PLCB4: variants seen among roughly 807,000 people sequenced by gnomAD.
The protein encoded by PLCB4 is phospholipase C beta 4.
In PLCB4, 77 loss-of-function variants were observed where a neutral mutation model predicts 178.8. The ratio of observed to expected loss-of-function variants is 0.43; its 90% CI spans 0.36 to 0.52. The LOEUF (loss-of-function observed/expected upper bound fraction) is 0.52, where lower values mean the gene tolerates loss of function less well. PLCB4 is among the 20% of genes least tolerant of loss of function. The pLI is 0.00. For synonymous variants in PLCB4, 496 were observed against 490.8 expected (o/e 1.01, Z -0.14); for missense variants, 1,024 against 1,453.4 (o/e 0.70, Z 4.80).
chr20:9,262,105 C>T (rs2094303339), intron 3 of PLCB4, among the ~76,000 whole-genome samples: 1 of 152,272 alleles, frequency 6.6e-6, no homozygotes, highest in Middle Eastern at 3.4e-3. Context: ...ATTGTGTCTT[C>T]TATCGTCAGT....
intron 25 of PLCB4, among the ~76,000 whole-genome samples, chr20:9,411,734 A>T (rs1034385948): frequency 6.7e-6 from 1 of 149,852 alleles, no homozygotes. Context: ...AAAAAAAAAA[A>T]CACAACTATG....
intron 2 of PLCB4, among the ~76,000 whole-genome samples, chr20:9,182,735 T>C (rs771262985): frequency 7.9e-5 from 12 of 152,204 alleles, no homozygotes; most frequent in Non-Finnish European, 1.6e-4. Flanking sequence ...CACCCAGTGC[T>C]GAAACCTTGG....
rs73248729 is a variant in PLCB4 at position 9,409,036 on chromosome 20, G to A, written c.1875-21G>A. The A allele has an allele frequency of 4.4e-6, 7 of 1,600,920 alleles. No homozygotes were observed. The African/African-American group carries it at 8.1e-5, about 19-fold the overall frequency. ...CTCTGCTGTAGGACTCTTTTTTTCT[G>A]TTTTCCTTAATAAGTTACAGTTATA... On this transcript the variant is annotated intron_variant, in intron 23 of 39. Coordinates refer to ENST00000378473, the MANE Select transcript of PLCB4 (RefSeq NM_001377142.1).
chr20:9,441,491 G>A (rs1311236878), intron 30 of PLCB4, among the ~76,000 whole-genome samples: 1 of 152,176 alleles, frequency 6.6e-6, no homozygotes, highest in Non-Finnish European at 1.5e-5. Flanking sequence ...ATTCTGGGAG[G>A]CAGTGGACAT....
rs143287841 is a variant in PLCB4 at position 9,258,018 on chromosome 20, G to T, written c.-16+40566G>T. On this transcript the variant is annotated intron_variant, in intron 3 of 39. Coordinates refer to ENST00000378473, the MANE Select transcript of PLCB4 (RefSeq NM_001377142.1). ...TAGAAAACAGAACAAAGAACCAAGAGTTGGAAAAAAAAATTAATGAAAGTG... is the reference window on the plus strand; with the variant it reads ...TAGAAAACAGAACAAAGAACCAAGATTTGGAAAAAAAAATTAATGAAAGTG... Among the ~76,000 whole-genome samples, 279 of 152,122 alleles carry T rather than the reference G, an allele frequency of 1.8e-3. 1 individual carries two copies. The highest frequency in any genetic ancestry group is 3.4e-3 in the Middle Eastern group (1 of 294).
chr20:9,278,832 C>T (rs2094471142), intron 3 of PLCB4, among the ~76,000 whole-genome samples: 1 of 152,060 alleles, frequency 6.6e-6, no homozygotes, highest in Admixed American at 6.6e-5. Flanking sequence ...TTGTCTCACT[C>T]ACACAAGGCC....
At chr20:9,430,150 C>T (rs1474412440) in intron 28 of PLCB4, among the ~76,000 whole-genome samples, 1 of 152,156 alleles carries the variant, frequency 6.6e-6, no homozygotes, top group African/African-American at 2.4e-5. Context: ...TTTACAAATT[C>T]GTGTTGGGCC....
intron 7 of PLCB4, among the ~76,000 whole-genome samples, chr20:9,339,809 G>A (rs2032963556): frequency 6.6e-6 from 1 of 152,246 alleles, no homozygotes; most frequent in East Asian, 1.9e-4. Flanking sequence ...AAAATATTGG[G>A]TTAAGATCAG....
intron 2 of PLCB4, among the ~76,000 whole-genome samples, chr20:9,201,581 A>G (rs1601103194): frequency 1.3e-5 from 2 of 152,332 alleles, no homozygotes; most frequent in East Asian, 3.9e-4. Context: ...TAAAAAGGAC[A>G]TAATAATACA....
Position 9,355,610 on chromosome 20 carries a change from T to A in PLCB4, c.370-7286T>A, listed in dbSNP as rs2034734593. On this transcript the variant is annotated intron_variant, in intron 7 of 39. Transcript: ENST00000378473. ...TGATTTCCAATTTCATCCATGTCCC[T>A]ACAAAGGACATGAACTCATCATTTT... 2.0e-5 allele frequency among the ~76,000 whole-genome samples: 3 copies of A among 152,054 alleles called. No homozygotes were observed. The South Asian group carries it at 6.2e-4, about 32-fold the overall frequency.
chr20:9,466,973 T>A (rs374261090), intron 35 of PLCB4, among the ~76,000 whole-genome samples: 1 of 152,278 alleles, frequency 6.6e-6, no homozygotes, highest in Non-Finnish European at 1.5e-5. Flanking sequence ...TAAAGACACA[T>A]GCACACATGT....
At chr20:9,350,903 G>T (rs13036625) in intron 7 of PLCB4, among the ~76,000 whole-genome samples, 2 of 152,232 alleles carry the variant, frequency 1.3e-5, no homozygotes, top group African/African-American at 4.8e-5. Flanking sequence ...GGCAGGGAGT[G>T]GGGGGAACAG....
intron 2 of PLCB4, among the ~76,000 whole-genome samples, chr20:9,151,322 G>C (rs2092686509): frequency 6.6e-6 from 1 of 152,054 alleles, no homozygotes; most frequent in Admixed American, 6.6e-5. Context: ...GGGGATCCTG[G>C]AACCATTCCC....
chr20:9,184,806 G>A lies in PLCB4; in HGVS notation c.-78-32584G>A, dbSNP rs1389224223. Among the ~76,000 whole-genome samples the A allele has an allele frequency of 3.9e-5, 6 of 152,298 alleles. No homozygotes were observed. In the South Asian group the frequency reaches 6.2e-4, roughly 16 times the overall value. On this transcript the variant is annotated intron_variant, in intron 2 of 39. Coordinates refer to ENST00000378473, the MANE Select transcript of PLCB4 (RefSeq NM_001377142.1). Reference sequence around the variant, plus strand: ...CTTGACAGTTGTACATTCAATTTGTGTAATGCTAGCCCTACTGTAAAATAC... The same window carrying A: ...CTTGACAGTTGTACATTCAATTTGTATAATGCTAGCCCTACTGTAAAATAC...
chr20:9,358,476 T>A (rs767202468), intron 7 of PLCB4, among the ~76,000 whole-genome samples: 1 of 152,210 alleles, frequency 6.6e-6, no homozygotes, highest in African/African-American at 2.4e-5. Context: ...CGAAAAATAA[T>A]TCTTCAGGAT....
At chr20:9,457,060 A>T (rs941371893) in intron 33 of PLCB4, among the ~76,000 whole-genome samples, 1 of 152,240 alleles carries the variant, frequency 6.6e-6, no homozygotes, top group Non-Finnish European at 1.5e-5. Context: ...AATTCACTTC[A>T]AGTCTGAGGA....
intron 2 of PLCB4, among the ~76,000 whole-genome samples, chr20:9,126,612 TTATAA>T (rs1217958172): frequency 1.3e-5 from 2 of 152,188 alleles, no homozygotes; most frequent in South Asian, 2.1e-4. Context: ...GCTAATGCAC[TTATAA>T]TATAATTGCA....
chr20:9,236,868 A>G (rs1471397362), intron 3 of PLCB4, among the ~76,000 whole-genome samples: 2 of 152,222 alleles, frequency 1.3e-5, no homozygotes. Context: ...CATTTCTTTC[A>G]TGGGAACAGA....
At chr20:9,280,397 T>C in intron 3 of PLCB4, 4 of 940,402 alleles carry the variant, frequency 4.3e-6, no homozygotes, top group Non-Finnish European at 5.1e-6. Context: ...GGAAGACCTA[T>C]CAAAGGACAA....
Sources: gnomAD v4.1 joint callset for allele counts (sites outside exome capture counted in the v4.1 genomes callset) on GRCh38, gnomAD v4.1.1 for gene constraint, MANE v1.5 for transcripts, NCBI Gene and HGNC (gene_info 2026-07-23, HGNC 2026-07-21) for gene names.